PASK: variants seen among roughly 807,000 people sequenced by gnomAD.
PASK encodes PAS domain containing serine/threonine kinase.
Under a neutral mutation model 121.0 loss-of-function variants are expected in PASK, and 110 were observed. The ratio of observed to expected loss-of-function variants is 0.91; its 90% confidence interval spans 0.78 to 1.06. The LOEUF is 1.06. Ranked by LOEUF, PASK falls within the 50% of genes least tolerant of loss-of-function variation. The pLI is 0.00. For synonymous variants in PASK, 686 were observed against 717.8 expected (o/e 0.96, Z 0.71); for missense variants, 1,643 against 1,702.3 (o/e 0.97, Z 0.61).
Position 241,140,725 on chromosome 2 carries a change from T to C in PASK, c.225A>G (p.Ser75=), listed in dbSNP as rs767696339. The C allele has an allele frequency of 5.0e-6, 8 of 1,613,096 alleles. No homozygotes were observed. Among genetic ancestry groups the C allele is most frequent in the Non-Finnish European group, 5.9e-6 (7 of 1,179,158 alleles). ...TACAAATATTCTGGGCAGCCAGTGATGATAGACAATAGGAGCTCCATCTGT... is the reference window on the plus strand; with the variant it reads ...TACAAATATTCTGGGCAGCCAGTGACGATAGACAATAGGAGCTCCATCTGT... ...SEDRWSSYCL[S]SLAAQNICTS... is the part of the protein sequence containing the mutation. The change falls in exon 3 of 18, where the codon TCA becomes TCG. Residue 75 remains serine, a synonymous_variant. Coordinates refer to ENST00000234040, the MANE Select transcript of PASK (RefSeq NM_015148.4).
At chr2:241,134,924 G>A (rs1393010696) in intron 8 of PASK, among the ~76,000 whole-genome samples, 4 of 152,168 alleles carry the variant, frequency 2.6e-5, no homozygotes, top group Non-Finnish European at 5.9e-5. Flanking sequence ...GCAGAGTTCC[G>A]GGGTCCCCAC....
intron 15 of PASK, among the ~76,000 whole-genome samples, chr2:241,111,784 C>T (rs1367069912): frequency 6.6e-6 from 1 of 152,240 alleles, no homozygotes; most frequent in Admixed American, 6.5e-5. Flanking sequence ...GACAGCCCCT[C>T]CAGCCAAGGG....
intron 14 of PASK, 63 bp downstream of exon 14, chr2:241,114,980 C>A (rs774375642): frequency 1.2e-6 from 2 of 1,613,138 alleles, no homozygotes; most frequent in Non-Finnish European, 1.7e-6. Context: ...CTGATCTTTG[C>A]AGCCACCGGA....
rs764244237 is a variant in PASK at position 241,138,811 on chromosome 2, G to A, written c.601-17C>T. ...GATGTCCACCTGTGGAAACAGACAGGTTCACACCTGCATGCCATGAACCCA... is the reference window on the plus strand; with the variant it reads ...GATGTCCACCTGTGGAAACAGACAGATTCACACCTGCATGCCATGAACCCA... On this transcript the variant is annotated splice_polypyrimidine_tract_variant and intron_variant, in intron 4 of 17. Transcript: ENST00000234040. 6.2e-7 allele frequency: 1 copy of A among 1,613,458 alleles called. No homozygotes were observed.
intron 1 of PASK, among the ~76,000 whole-genome samples, chr2:241,144,271 T>G (rs114408079): frequency 1.5e-3 from 221 of 152,292 alleles, no homozygotes; most frequent in African/African-American, 5.1e-3. Context: ...GGCAAGCACT[T>G]GAAACACAAG....
chr2:241,138,202 G>C (rs113179592), intron 5 of PASK, 115 bp from the exon 6 acceptor site: 12 of 1,038,022 alleles, frequency 1.2e-5, no homozygotes, highest in African/African-American at 7.8e-5. Context: ...TTCTCCATCG[G>C]AAGGGCAAGA....
chr2:241,149,457 A>G lies in PASK; in HGVS notation c.-86T>C. ...ACGCCAAGCCGGCTACACACCACGG[A>G]AAGGAGCCCTTCCGCGCTTTTATCC... is the stretch of plus-strand genomic sequence containing the variant. On this transcript the variant is annotated 5_prime_UTR_variant, in exon 1 of 18. Transcript: ENST00000234040. The G allele has an allele frequency of 1.7e-6, 1 of 588,478 alleles. No individual in the cohort carries two copies. The highest frequency in any genetic ancestry group is 3.0e-5 in the East Asian group (1 of 33,886). 36.5% of individuals were successfully genotyped at this position (588,478 alleles called of 1,614,324 possible). A position where few individuals can be genotyped will look rare whatever the true frequency, so the allele number is the denominator to read the frequency against.
At chr2:241,109,992 G>A (rs1396511809) in intron 15 of PASK, among the ~76,000 whole-genome samples, 2 of 152,206 alleles carry the variant, frequency 1.3e-5, no homozygotes, top group Admixed American at 1.3e-4. Context: ...AGAGGCAGGG[G>A]ATGTTTGCAC....
chr2:241,126,154 T>C, intron 10 of PASK, 42 bp downstream of exon 10: 1 of 1,586,774 alleles, frequency 6.3e-7, no homozygotes, highest in South Asian at 1.1e-5. Context: ...TGCACTGTGC[T>C]CTGGGAGCAC....
Position 241,108,075 on chromosome 2 carries a change from A to C in PASK, c.3667+92T>G. 52 of 1,147,312 alleles carry C rather than the reference A, an allele frequency of 4.5e-5. No individual in the cohort carries two copies. Among genetic ancestry groups the C allele is most frequent in the Non-Finnish European group, 6.0e-5 (45 of 756,016 alleles). 71.1% of individuals were successfully genotyped at this position (1,147,312 alleles called of 1,614,324 possible). ...AACAAATGAGACTGTTGATATGGAC[A>C]GAGATACACTGAGGAATGAGGAAAT... On this transcript the variant is annotated intron_variant, in intron 16 of 17. Coordinates refer to ENST00000234040, the MANE Select transcript of PASK (RefSeq NM_015148.4). The surrounding 1 kb of genome is among the most constrained non-coding windows in gnomAD (Gnocchi z 5.2).
intron 3 of PASK, 39 bp downstream of exon 3, chr2:241,140,482 C>T (rs1007986006): frequency 7.2e-7 from 1 of 1,388,008 alleles, no homozygotes; most frequent in Non-Finnish European, 1.0e-6. Context: ...AACCACAAAT[C>T]CACATCTACA....
upstream of PASK, chr2:241,150,205 C>T (rs973868119): frequency 3.1e-6 from 4 of 1,275,296 alleles, no homozygotes; most frequent in Admixed American, 7.9e-5. Context: ...CTCCGTCTGC[C>T]TGCAGCTACG....
upstream of PASK, chr2:241,150,142 A>G: frequency 7.9e-7 from 1 of 1,270,010 alleles, no homozygotes; most frequent in Non-Finnish European, 9.9e-7. Context: ...CGAGACAGTG[A>G]CATAAGTCAA....
Position 241,149,460 on chromosome 2 carries a change from G to A in PASK, c.-89C>T, listed in dbSNP as rs560123383. On this transcript the variant is annotated 5_prime_UTR_variant, in exon 1 of 18. Transcript: ENST00000234040. Reference sequence around the variant, plus strand: ...CCAAGCCGGCTACACACCACGGAAAGGAGCCCTTCCGCGCTTTTATCCCAC... The same window carrying A: ...CCAAGCCGGCTACACACCACGGAAAAGAGCCCTTCCGCGCTTTTATCCCAC... 8.4e-6 allele frequency: 5 copies of A among 592,392 alleles called. No homozygotes were observed. In the East Asian group the frequency reaches 1.5e-4, roughly 17 times the overall value. 36.7% of individuals were successfully genotyped at this position (592,392 alleles called of 1,614,324 possible).
At position 241,106,707 on chromosome 2, in the gene PASK, G is replaced by A. The variant is rs141459975; in HGVS notation, c.3831C>T (p.Ser1277=). 211 of 1,614,106 alleles carry A rather than the reference G, an allele frequency of 1.3e-4. No homozygotes were observed. Among genetic ancestry groups the A allele is most frequent in the Non-Finnish European group, 1.5e-4 (176 of 1,179,952 alleles). The change falls in exon 18 of 18, where the codon TCC becomes TCT. Residue 1277 remains serine (S), a synonymous_variant. Transcript: ENST00000234040. ...TGTTCCCCATCTCCAGGCTCGCAGCGGACAGAACTCCACTTTCTGAAGAAA... is the reference window on the plus strand; with the variant it reads ...TGTTCCCCATCTCCAGGCTCGCAGCAGACAGAACTCCACTTTCTGAAGAAA... ...RVNKPESGVL[S]AASLEMGNRS... is the part of the protein sequence containing the mutation.
chr2:241,119,762 G>A (rs1050768911), intron 12 of PASK, among the ~76,000 whole-genome samples: 1 of 152,074 alleles, frequency 6.6e-6, no homozygotes, highest in South Asian at 2.1e-4. Context: ...GAGCCACCGC[G>A]CCCGGCCTGC....
In PASK at chr2:241,142,899, T is replaced by A. The variant is rs1190167316; in HGVS notation, c.134A>T (p.His45Leu). 6.2e-7 allele frequency: 1 copy of A among 1,614,102 alleles called. No individual in the cohort carries two copies. The highest frequency in any genetic ancestry group is 1.7e-5 in the Admixed American group (1 of 60,026). ...CCCATTCCTTCTGCTCAGGTGTCTG[T>A]GGGCTGAGGAAAACGACCTGCTGGG... ...AEPSRSFSSA[H>L]RHLSRRNGLS... is the part of the protein sequence containing the mutation. Residue 45 changes from histidine to leucine, a missense_variant, in exon 2 of 18, where the codon CAC (histidine) becomes CTC (leucine). His to Leu is a moderately conservative substitution (Grantham distance 99, BLOSUM62 -3). This residue lies in a region of PASK where 1,176 missense variants were observed against 1,162.2 expected (regional missense o/e 1.01). Coordinates refer to ENST00000234040, the MANE Select transcript of PASK (RefSeq NM_015148.4).
intron 7 of PASK, among the ~76,000 whole-genome samples, chr2:241,136,287 G>A (rs1010338991): frequency 6.6e-6 from 1 of 152,246 alleles, no homozygotes; most frequent in Non-Finnish European, 1.5e-5. Context: ...CAGTGACATC[G>A]ACACATCTTT....
In PASK at chr2:241,126,635, G is replaced by C. The variant is rs373887968; in HGVS notation, c.2280C>G (p.Ser760=). 8 of 1,614,094 alleles carry C rather than the reference G, an allele frequency of 5.0e-6. No homozygotes were observed. Among genetic ancestry groups the C allele is most frequent in the African/African-American group, 2.7e-5 (2 of 74,940 alleles). Residue 760 remains serine (S), a synonymous_variant, in exon 10 of 18, where the codon TCC becomes TCG. Transcript: ENST00000234040. ...TCTCTCTGAGTTCAGACGTAGCACA[G>C]GAACAATTTGATGACGTTTGGTCTG... ...DQTDQTSSNC[S]CATSELRETP...
Sources: allele counts gnomAD v4.1 joint callset (sites outside exome capture counted in the v4.1 genomes callset), GRCh38; gene constraint gnomAD v4.1.1; regional missense constraint gnomAD v4.1.1; non-coding constraint Gnocchi (gnomAD v3.1); transcripts MANE v1.5; gene names NCBI Gene and HGNC (gene_info 2026-07-23, HGNC 2026-07-21).